Variants in NTM observed in about 807,000 individuals in gnomAD.
NTM encodes the protein neurotrimin.
A neutral mutation model predicts 42.1 loss-of-function variants in NTM; 13 were observed. The observed-to-expected ratio is 0.31, with a 90% CI of 0.20 to 0.49. The LOEUF is 0.49. Among genes scored for constraint, NTM ranks in the 20% least tolerant of loss-of-function variants. The pLI, the probability that NTM is intolerant of heterozygous loss-of-function variation, is 0.99. For missense variants in NTM, 373 were observed against 452.8 expected, an observed-to-expected ratio of 0.82 and a Z score of 1.60; for synonymous variants, 187 against 179.2, an observed-to-expected ratio of 1.04 and a Z score of -0.35.
At chr11:132,116,834 C>A (rs2063968324) in intron 2 of NTM, among the ~76,000 whole-genome samples, 1 of 152,112 alleles carries the variant, frequency 6.6e-6, no homozygotes, top group Admixed American at 6.5e-5. Flanking sequence ...TCCTCATTTG[C>A]AGACTTGAAA....
At chr11:131,568,294 C>T (rs1482130572) in intron 1 of NTM, among the ~76,000 whole-genome samples, 1 of 152,218 alleles carries the variant, frequency 6.6e-6, no homozygotes, top group African/African-American at 2.4e-5. Context: ...TCACAGTCCT[C>T]TTGCAAGACA....
At chr11:132,170,928 T>A (rs2076027120) in intron 3 of NTM, among the ~76,000 whole-genome samples, 1 of 152,200 alleles carries the variant, frequency 6.6e-6, no homozygotes, top group Non-Finnish European at 1.5e-5. Context: ...AGTCCTTAAG[T>A]CTTCCCTTCT....
intron 1 of NTM, among the ~76,000 whole-genome samples, chr11:131,584,681 A>G (rs1015771138): frequency 1.3e-5 from 2 of 152,282 alleles, no homozygotes; most frequent in African/African-American, 2.4e-5. Flanking sequence ...GGTTTCGGCA[A>G]GATGCCCAAG....
intron 8 of NTM, among the ~76,000 whole-genome samples, chr11:132,334,096 G>C (rs1427644388): frequency 6.6e-6 from 1 of 152,212 alleles, no homozygotes; most frequent in Non-Finnish European, 1.5e-5. Context: ...AGGTGGCCTG[G>C]TTCCTTGAGT....
At chr11:131,511,876 C>T (rs555055947) in intron 1 of NTM, among the ~76,000 whole-genome samples, 7 of 152,278 alleles carry the variant, frequency 4.6e-5, no homozygotes, top group South Asian at 4.1e-4. Flanking sequence ...TGTCAGAGGG[C>T]GACCTTTCAA....
intron 1 of NTM, among the ~76,000 whole-genome samples, chr11:131,761,760 G>T (rs1438818892): frequency 1.3e-5 from 2 of 151,982 alleles, no homozygotes; most frequent in African/African-American, 4.8e-5. Flanking sequence ...GGTGAGCAGA[G>T]ATAGCGCCAT....
intron 1 of NTM, among the ~76,000 whole-genome samples, chr11:131,517,971 G>A (rs367696858): frequency 1.6e-4 from 24 of 152,288 alleles, no homozygotes; most frequent in Admixed American, 8.5e-4. Context: ...GTGACATTCT[G>A]TCTGTAACAA....
chr11:132,099,069 T>C (rs1343348162), intron 2 of NTM, among the ~76,000 whole-genome samples: 1 of 152,260 alleles, frequency 6.6e-6, no homozygotes, highest in African/African-American at 2.4e-5. Flanking sequence ...TATCTCCTTG[T>C]AACCACCTGC....
chr11:132,240,781 G>A (rs1313102154), intron 4 of NTM, among the ~76,000 whole-genome samples: 2 of 152,206 alleles, frequency 1.3e-5, no homozygotes, highest in Non-Finnish European at 2.9e-5. Context: ...GAGATATGTC[G>A]TCAGTAAAAT....
At chr11:132,301,829 C>G (rs1047801821) in intron 4 of NTM, among the ~76,000 whole-genome samples, 3 of 152,140 alleles carry the variant, frequency 2.0e-5, no homozygotes, top group African/African-American at 7.2e-5. Flanking sequence ...TTTCTGACGT[C>G]CAAAGATTGT....
At chr11:131,668,464 C>T (rs1020420791) in intron 1 of NTM, among the ~76,000 whole-genome samples, 3 of 152,084 alleles carry the variant, frequency 2.0e-5, no homozygotes, top group African/African-American at 7.2e-5. Flanking sequence ...CTGCTTGTAG[C>T]TTTGAGTGGA....
intron 1 of NTM, among the ~76,000 whole-genome samples, chr11:131,747,309 T>C (rs777657271): frequency 1.3e-5 from 2 of 152,180 alleles, no homozygotes; most frequent in Admixed American, 6.5e-5. Flanking sequence ...CTTCTGAATT[T>C]CCTCACAATC....
intron 2 of NTM, among the ~76,000 whole-genome samples, chr11:131,967,605 C>A (rs2063000969): frequency 6.6e-6 from 1 of 152,172 alleles, no homozygotes; most frequent in Non-Finnish European, 1.5e-5. Context: ...AGGGAAAAGA[C>A]AACCAACTTC....
intron 1 of NTM, among the ~76,000 whole-genome samples, chr11:131,814,972 G>A (rs916219213): frequency 6.6e-6 from 1 of 151,880 alleles, no homozygotes; most frequent in Non-Finnish European, 1.5e-5. Context: ...CCAACACACT[G>A]CGGGCCATGG....
intron 1 of NTM, among the ~76,000 whole-genome samples, chr11:131,812,438 C>T (rs2092776348): frequency 6.6e-6 from 1 of 152,092 alleles, no homozygotes; most frequent in East Asian, 1.9e-4. Context: ...ATATTTGCCC[C>T]CTAACATTAG....
At chr11:132,149,572 G>T (rs191426549) in intron 3 of NTM, among the ~76,000 whole-genome samples, 28 of 152,272 alleles carry the variant, frequency 1.8e-4, no homozygotes, top group African/African-American at 6.3e-4. Flanking sequence ...TTCAGGTCTG[G>T]GGTATGTCTT....
intron 2 of NTM, among the ~76,000 whole-genome samples, chr11:132,069,995 T>TTAC (rs2057261748): frequency 7.3e-6 from 1 of 136,576 alleles, no homozygotes; most frequent in Admixed American, 7.3e-5. Flanking sequence ...ACAGGTTAGT[T>TTAC]AACACGTCAC....
chr11:131,822,382 T>A (rs2093225929), intron 1 of NTM, among the ~76,000 whole-genome samples: 1 of 152,202 alleles, frequency 6.6e-6, no homozygotes, highest in Non-Finnish European at 1.5e-5. Context: ...AAAACAACAA[T>A]GTTTTCTATA....
Position 131,691,763 on chromosome 11 carries a change from G to A in NTM, c.83-219801G>A, listed in dbSNP as rs1401553887. Among the ~76,000 whole-genome samples the A allele has an allele frequency of 4.6e-5, 7 of 152,208 alleles. No individual in the cohort carries two copies. The East Asian group carries it at 1.4e-3, about 29-fold the overall frequency. The stretch of plus-strand genomic sequence containing the variant: ...GCTGAGCGGAGCGGGGCTGGGCTGG[G>A]CGCAGCGGTCCCGGGGCTGGGAGGG... On this transcript the variant is annotated intron_variant, in intron 1 of 8. Coordinates refer to ENST00000683400, the MANE Select transcript of NTM (RefSeq NM_001352005.2).
Sources: gnomAD v4.1 joint callset for allele counts (sites outside exome capture counted in the v4.1 genomes callset) on GRCh38, gnomAD v4.1.1 for gene constraint, MANE v1.5 for transcripts, NCBI Gene and HGNC (gene_info 2026-07-23, HGNC 2026-07-21) for gene names.